CCNB3: variants seen among roughly 807,000 people sequenced by gnomAD.
The protein encoded by CCNB3 is cyclin B3, also known as G2/mitotic-specific cyclin-B3.
A neutral mutation model predicts 68.0 loss-of-function variants in CCNB3; 12 were observed. That is an observed-to-expected ratio of 0.18 (90% confidence interval 0.11 to 0.29). The LOEUF is 0.29. Ranked by LOEUF, CCNB3 falls within the 10% of genes least tolerant of loss-of-function variation. The pLI, the probability that CCNB3 is intolerant of heterozygous loss-of-function variation, is 1.00. For synonymous variants in CCNB3, 354 were observed against 388.9 expected, an observed-to-expected ratio of 0.91 and a Z score of 1.06; for missense variants, 904 against 993.1, an observed-to-expected ratio of 0.91 and a Z score of 1.21.
chrX:50,308,943 G>C lies in CCNB3; in HGVS notation c.774G>C (p.Glu258Asp). Residue 258 changes from glutamate (E) to aspartate (D), a missense_variant, in exon 6 of 13, where the codon GAG becomes GAC. Physicochemically the swap from Glu to Asp is conservative, Grantham distance 45. This residue lies in a region of CCNB3 where 619 missense variants were observed against 609.8 expected (regional missense o/e 1.02). Transcript: ENST00000376042. Reference sequence around the variant, plus strand: ...CTGTGCAGGATGTCAATATGGAAGAGGATTCCTTCTTTATGGAGTCAATGA... The same window carrying C: ...CTGTGCAGGATGTCAATATGGAAGACGATTCCTTCTTTATGGAGTCAATGA... ...SLAVQDVNME[E>D]DSFFMESMSF... 1 of 1,211,314 alleles carries C rather than the reference G, an allele frequency of 8.3e-7. No homozygotes were observed. Among genetic ancestry groups the C allele is most frequent in the Non-Finnish European group, 1.1e-6 (1 of 895,284 alleles).
chrX:50,279,609 C>A (rs1046579427), intron 1 of CCNB3, among the ~76,000 whole-genome samples: 5,498 of 85,060 alleles, frequency 0.065, 503 homozygotes, highest in African/African-American at 0.23. Flanking sequence ...AATGTATATG[C>A]ATATGTACAT....
intron 4 of CCNB3, among the ~76,000 whole-genome samples, chrX:50,290,830 T>A (rs943466409): frequency 1.8e-5 from 2 of 111,501 alleles, no homozygotes; most frequent in African/African-American, 6.5e-5. Flanking sequence ...CCGTTTGCGC[T>A]CAAGTTCTGA....
At chrX:50,219,623 G>T (rs942075257) in intron 1 of CCNB3, among the ~76,000 whole-genome samples, 8 of 110,817 alleles carry the variant, frequency 7.2e-5, no homozygotes, top group Non-Finnish European at 1.3e-4. Context: ...CTGTTTTATT[G>T]GTCTATATAT....
intron 1 of CCNB3, among the ~76,000 whole-genome samples, chrX:50,279,407 AAT>A (rs1251392706): frequency 2.4e-4 from 17 of 71,319 alleles, no homozygotes; most frequent in African/African-American, 9.3e-4. Flanking sequence ...TTCATATAGA[AAT>A]ATATAAATAT....
chrX:50,283,015 G>A (rs1301321408), intron 1 of CCNB3, among the ~76,000 whole-genome samples: 2 of 111,202 alleles, frequency 1.8e-5, no homozygotes, highest in East Asian at 5.6e-4. Context: ...GAATGAGATG[G>A]AATATAGGTT....
At chrX:50,210,402 A>AT (rs1375780423) in intron 1 of CCNB3, among the ~76,000 whole-genome samples, 18 of 111,844 alleles carry the variant, frequency 1.6e-4, no homozygotes, top group Admixed American at 3.8e-4. Context: ...TTACTCAATA[A>AT]TTTTTTTTGT....
intron 5 of CCNB3, among the ~76,000 whole-genome samples, chrX:50,301,303 T>C (rs1186024913): frequency 8.9e-6 from 1 of 111,885 alleles, no homozygotes; most frequent in Admixed American, 9.5e-5. Context: ...GATGTACAGA[T>C]GGGTTTTTGG....
rs187882515 is a variant in CCNB3 at position 50,291,871 on chromosome X, G to T, written c.204+2984G>T. On this transcript the variant is annotated intron_variant, in intron 4 of 12. Transcript: ENST00000376042. ...GGTCCTAAGAAAGAGTTTCCTATTG[G>T]ACTGTAGTTGTTTATTATGATCTGA... 2.0e-4 allele frequency among the ~76,000 whole-genome samples: 22 copies of T among 111,651 alleles called. No homozygotes were observed. The East Asian group carries it at 4.8e-3, about 24-fold the overall frequency.
intron 1 of CCNB3, among the ~76,000 whole-genome samples, chrX:50,226,303 TAGAAATATATAAAC>T (rs1935791282): frequency 1.6e-5 from 1 of 61,244 alleles, no homozygotes; most frequent in Non-Finnish European, 2.7e-5. Flanking sequence ...AATATATATA[TAGAAATATATAAAC>T]ATATATATAG....
At chrX:50,226,587 AAT>A (rs1162411555) in intron 1 of CCNB3, among the ~76,000 whole-genome samples, 24 of 63,205 alleles carry the variant, frequency 3.8e-4, no homozygotes, top group African/African-American at 9.6e-4. Flanking sequence ...AATACATACA[AAT>A]ATATATATAG....
At chrX:50,209,014 T>G (rs1935428758) in intron 1 of CCNB3, among the ~76,000 whole-genome samples, 1 of 112,031 alleles carries the variant, frequency 8.9e-6, no homozygotes, top group South Asian at 3.8e-4. Flanking sequence ...TTGTCAACTT[T>G]ATGTGTGTAG....
chrX:50,206,242 A>AAAATAAATAAAT (rs781814595), intron 1 of CCNB3, among the ~76,000 whole-genome samples: 1 of 108,533 alleles, frequency 9.2e-6, no homozygotes, highest in Non-Finnish European at 1.9e-5. Context: ...ATTCCATCTC[A>AAAATAAATAAAT]AAATAAATAA....
intron 8 of CCNB3, among the ~76,000 whole-genome samples, chrX:50,327,389 C>T (rs1922343563): frequency 8.9e-6 from 1 of 112,518 alleles, no homozygotes; most frequent in Admixed American, 9.4e-5. Context: ...AGGGTATCAT[C>T]TTACATTCAA....
chrX:50,346,409 C>T (rs1923406118), intron 9 of CCNB3, among the ~76,000 whole-genome samples: 1 of 111,566 alleles, frequency 9.0e-6, no homozygotes, highest in African/African-American at 3.3e-5. Context: ...GAATCCACCC[C>T]CAGGAGGTCC....
intron 1 of CCNB3, among the ~76,000 whole-genome samples, chrX:50,225,692 G>C (rs1935743268): frequency 9.1e-6 from 1 of 109,624 alleles, no homozygotes; most frequent in African/African-American, 3.3e-5. Context: ...TAGAATCATA[G>C]ACGATACCCA....
At chrX:50,337,276 G>T (rs970789737) in intron 8 of CCNB3, among the ~76,000 whole-genome samples, 5 of 110,704 alleles carry the variant, frequency 4.5e-5, no homozygotes, top group Non-Finnish European at 9.4e-5. Flanking sequence ...CTCTCGATAA[G>T]GAGGAGGCAC....
rs782505190 is a variant in CCNB3, at chrX:50,311,178, C to A, written c.3009C>A (p.Ile1003=). The stretch of plus-strand genomic sequence containing the variant: ...CCAGTGTGGGCAAATCTGGTACCAT[C>A]AATGAGGCATTCCTCTTCGAAGATA... The part of the protein sequence containing the change: ...TMTSVGKSGT[I]NEAFLFEDMI... Residue 1003 remains isoleucine (I), a synonymous_variant, in exon 6 of 13, where the codon ATC becomes ATA. Transcript: ENST00000376042. 22 of 1,206,121 alleles carry A rather than the reference C, an allele frequency of 1.8e-5. No individual in the cohort carries two copies. The South Asian group carries it at 3.9e-4, about 21-fold the overall frequency.
intron 8 of CCNB3, among the ~76,000 whole-genome samples, chrX:50,338,139 G>A (rs1359347064): frequency 8.9e-6 from 1 of 111,942 alleles, no homozygotes; most frequent in Non-Finnish European, 1.9e-5. Flanking sequence ...CAGGATCCAC[G>A]TTGCTCAAGC....
intron 1 of CCNB3, among the ~76,000 whole-genome samples, chrX:50,279,869 TAA>T (rs1273487571): frequency 6.3e-4 from 55 of 87,030 alleles, no homozygotes; most frequent in Middle Eastern, 0.018. Context: ...ATACTATATA[TAA>T]AATATATATA....
Sources: allele counts gnomAD v4.1 joint callset (sites outside exome capture counted in the v4.1 genomes callset), GRCh38; gene constraint gnomAD v4.1.1; regional missense constraint gnomAD v4.1.1; transcripts MANE v1.5; gene names NCBI Gene and HGNC (gene_info 2026-07-23, HGNC 2026-07-21).